TRMT13: variants seen among roughly 807,000 people sequenced by gnomAD.
TRMT13 encodes tRNA methyltransferase 13.
A neutral mutation model predicts 55.9 loss-of-function variants in TRMT13; 45 were observed. The ratio of observed to expected loss-of-function variants is 0.80; its 90% CI spans 0.63 to 1.03. TRMT13 has a LOEUF of 1.03. Ranked by LOEUF, TRMT13 falls within the 50% of genes least tolerant of loss-of-function variation. TRMT13 has a pLI of 0.00. For missense variants in TRMT13, 513 were observed against 563.9 expected, an observed-to-expected ratio of 0.91 and a Z score of 0.91; for synonymous variants, 183 against 196.3, an observed-to-expected ratio of 0.93 and a Z score of 0.57.
At chr1:100,137,330 G>A (rs1279311258) in intron 3 of TRMT13, among the ~76,000 whole-genome samples, 1 of 151,974 alleles carries the variant, frequency 6.6e-6, no homozygotes, top group East Asian at 1.9e-4. Context: ...TGACTAGCTG[G>A]GACTGTAGGC....
chr1:100,133,955 C>T (rs951020228), intron 1 of TRMT13, among the ~76,000 whole-genome samples: 2 of 152,028 alleles, frequency 1.3e-5, no homozygotes, highest in Non-Finnish European at 2.9e-5. Context: ...GCCTGTAACC[C>T]CAGCTACTCG....
intron 6 of TRMT13, 88 bp downstream of exon 6, chr1:100,140,602 T>G (rs1443953957): frequency 1.8e-6 from 2 of 1,091,552 alleles, no homozygotes; most frequent in Admixed American, 4.3e-5. Context: ...AGATTTTATT[T>G]TGTTTACCTT....
intron 7 of TRMT13, among the ~76,000 whole-genome samples, chr1:100,141,976 A>G (rs1169803274): frequency 2.0e-5 from 3 of 152,198 alleles, no homozygotes; most frequent in Non-Finnish European, 4.4e-5. Context: ...ACTGGAGAGG[A>G]TGGCTAGCCT....
In TRMT13 at chr1:100,149,284, G is replaced by T. The variant is rs1657711539; in HGVS notation, c.*464G>T. On this transcript the variant is annotated 3_prime_UTR_variant, in exon 11 of 11. Coordinates refer to ENST00000370141, the MANE Select transcript of TRMT13 (RefSeq NM_019083.3). ...GTGGACATTTTTCCCTACAGATCTG[G>T]AAAGCACAATTGTGATTTTCTCAAA... 6.5e-7 allele frequency: 1 copy of T among 1,529,396 alleles called. No homozygotes were observed. The highest frequency in any genetic ancestry group is 8.8e-7 in the Non-Finnish European group (1 of 1,141,652). 94.7% of individuals were successfully genotyped at this position (1,529,396 alleles called of 1,614,324 possible).
chr1:100,137,464 C>T (rs1270384194), intron 3 of TRMT13, among the ~76,000 whole-genome samples: 1 of 152,142 alleles, frequency 6.6e-6, no homozygotes, highest in Non-Finnish European at 1.5e-5. Context: ...TCCCAAAGTG[C>T]TAGGATTATA....
At chr1:100,140,772 G>T in intron 6 of TRMT13, 80 bp from the exon 7 acceptor site, 2 of 1,349,870 alleles carry the variant, frequency 1.5e-6, no homozygotes, top group East Asian at 2.3e-5. Flanking sequence ...ACTGCCTTAT[G>T]CAGAAATTAC....
chr1:100,133,768 C>T (rs943797412), intron 1 of TRMT13, among the ~76,000 whole-genome samples: 1 of 152,026 alleles, frequency 6.6e-6, no homozygotes, highest in Non-Finnish European at 1.5e-5. Context: ...ACTTGAGGCC[C>T]GGCGCGGTGG....
At chr1:100,142,448 G>A (rs1656748773) in intron 7 of TRMT13, among the ~76,000 whole-genome samples, 1 of 152,120 alleles carries the variant, frequency 6.6e-6, no homozygotes, top group South Asian at 2.1e-4. Context: ...AAGAGTATGA[G>A]AAATATTAAG....
At chr1:100,137,577 C>T (rs373034885) in intron 3 of TRMT13, among the ~76,000 whole-genome samples, 5 of 152,114 alleles carry the variant, frequency 3.3e-5, no homozygotes, top group African/African-American at 4.8e-5. Context: ...TTATTTATTA[C>T]ACTGTACAAT....
At chr1:100,142,287 T>C (rs1392595297) in intron 7 of TRMT13, among the ~76,000 whole-genome samples, 1 of 152,086 alleles carries the variant, frequency 6.6e-6, no homozygotes, top group African/African-American at 2.4e-5. Flanking sequence ...TAGAAGGAAA[T>C]TTTTCAAAGT....
chr1:100,140,199 A>G lies in TRMT13; in HGVS notation c.342A>G (p.Leu114=). The G allele has an allele frequency of 3.7e-6, 6 of 1,611,290 alleles. No individual in the cohort carries two copies. The highest frequency in any genetic ancestry group is 4.2e-6 in the Non-Finnish European group (5 of 1,178,628). ...GTATATAGGTTCCAATTTCTTCTCT[A>G]TCTGAAGAGCAGTTGGAAAAGTTAA... The part of the protein sequence containing the change: ...IPEQLVPISS[L]SEEQLEKLIK... The change falls in exon 5 of 11, where the codon CTA becomes CTG. Residue 114 remains leucine, a synonymous_variant. Transcript: ENST00000370141.
Position 100,148,301 on chromosome 1 carries a change from G to T in TRMT13, c.1225G>T (p.Asp409Tyr). The change falls in exon 10 of 11, where the codon GAT (aspartate) becomes TAT (tyrosine). Residue 409 changes from aspartate to tyrosine, a missense_variant. By Grantham distance (160) the Asp-to-Tyr change is radical. Transcript: ENST00000370141. ...TGATGATGGAGGATACAGAATCACA[G>T]ATGATGGCGCTGATTGTTTGCCTGG... is the stretch of plus-strand genomic sequence containing the variant. ...EHDDGGYRIT[D>Y]DGADCLPGLL... 1 of 1,613,734 alleles carries T rather than the reference G, an allele frequency of 6.2e-7. No homozygotes were observed. Among genetic ancestry groups the T allele is most frequent in the Non-Finnish European group, 8.5e-7 (1 of 1,179,812 alleles).
chr1:100,133,362 G>A, intron 1 of TRMT13, 47 bp downstream of exon 1: 1 of 1,587,356 alleles, frequency 6.3e-7, no homozygotes, highest in Non-Finnish European at 8.6e-7. Context: ...AAGTATCCTG[G>A]TCCTGTCGGT....
Position 100,137,196 on chromosome 1 carries a change from A to C in TRMT13, c.261+111A>C, listed in dbSNP as rs145677886. On this transcript the variant is annotated intron_variant, in intron 3 of 10. Coordinates refer to ENST00000370141, the MANE Select transcript of TRMT13 (RefSeq NM_019083.3). ...TAGCTGAGGAACCCAAGCTCAGGAA[A>C]TATAATTTTTTTTTAAAGAGATAGG... 5.2e-4 allele frequency: 492 copies of C among 950,766 alleles called. 1 individual carries two copies. The African/African-American group carries it at 7.2e-3, about 14-fold the overall frequency. 58.9% of individuals were successfully genotyped at this position (950,766 alleles called of 1,614,324 possible).
chr1:100,141,052 A>G, intron 7 of TRMT13, 33 bp downstream of exon 7: 1 of 1,511,086 alleles, frequency 6.6e-7, no homozygotes, highest in South Asian at 1.4e-5. Context: ...GTTAGTAACC[A>G]AACTTGTTTT....
At chr1:100,148,582 T>A (rs778998655) in intron 10 of TRMT13, 43 bp from the exon 11 acceptor site, 1 of 1,553,362 alleles carries the variant, frequency 6.4e-7, no homozygotes, top group African/African-American at 1.4e-5. Context: ...TATAAACTTT[T>A]GCAAAATTTT....
At chr1:100,137,459 A>G (rs1409878042) in intron 3 of TRMT13, among the ~76,000 whole-genome samples, 1 of 152,148 alleles carries the variant, frequency 6.6e-6, no homozygotes, top group Admixed American at 6.5e-5. Context: ...CAGCCTCCCA[A>G]AGTGCTAGGA....
Position 100,144,091 on chromosome 1 carries a change from A to G in TRMT13, c.765A>G (p.Glu255=). The change falls in exon 9 of 11, where the codon GAA becomes GAG. Residue 255 remains glutamate, a synonymous_variant. Coordinates refer to ENST00000370141, the MANE Select transcript of TRMT13 (RefSeq NM_019083.3). ...LCLNKIPVLR[E]EKLPVVGIGK... ...CAGACAAGATTCCTGTGCTAAGAGAAGAAAAACTACCTGTGGTAGGAATTG... is the reference window on the plus strand; with the variant it reads ...CAGACAAGATTCCTGTGCTAAGAGAGGAAAAACTACCTGTGGTAGGAATTG... The G allele has an allele frequency of 1.2e-6, 2 of 1,613,400 alleles. No homozygotes were observed. The highest frequency in any genetic ancestry group is 4.5e-5 in the East Asian group (2 of 44,822).
Position 100,141,038 on chromosome 1 carries a change from C to A in TRMT13, c.669+19C>A. ...ATTCAAGGTAAGTGAAACCATTGCTCTGTGTTAGTAACCAAACTTGTTTTC... is the reference window on the plus strand; with the variant it reads ...ATTCAAGGTAAGTGAAACCATTGCTATGTGTTAGTAACCAAACTTGTTTTC... On this transcript the variant is annotated intron_variant, in intron 7 of 10. Transcript: ENST00000370141. 2 of 1,584,684 alleles carry A rather than the reference C, an allele frequency of 1.3e-6. No individual in the cohort carries two copies. The highest frequency in any genetic ancestry group is 1.2e-5 in the South Asian group (1 of 86,408).
Sources: allele counts gnomAD v4.1 joint callset (sites outside exome capture counted in the v4.1 genomes callset), GRCh38; gene constraint gnomAD v4.1.1; transcripts MANE v1.5; gene names NCBI Gene and HGNC (gene_info 2026-07-23, HGNC 2026-07-21).